The following SPTLC3 variants were observed in gnomAD, a reference collection of about 807,000 sequenced individuals.
The protein encoded by SPTLC3 is serine palmitoyltransferase 3.
A neutral mutation model predicts 59.3 loss-of-function variants in SPTLC3; 36 were observed. The ratio of observed to expected loss-of-function variants is 0.61; its 90% CI spans 0.47 to 0.80. SPTLC3 has a LOEUF of 0.80. Ranked by LOEUF, SPTLC3 falls within the 30% of genes least tolerant of loss-of-function variation. The pLI is 0.00. For missense variants in SPTLC3, 625 were observed against 685.1 expected (o/e 0.91, Z 0.98); for synonymous variants, 257 against 240.8 (o/e 1.07, Z -0.62).
intron 9 of SPTLC3, among the ~76,000 whole-genome samples, chr20:13,150,493 C>A (rs1417521845): frequency 6.6e-6 from 1 of 152,166 alleles, no homozygotes; most frequent in African/African-American, 2.4e-5. Context: ...CTATCTCTTT[C>A]TTTAAAACCA....
chr20:13,130,052 GA>G (rs1195492595), intron 9 of SPTLC3, among the ~76,000 whole-genome samples: 1 of 152,172 alleles, frequency 6.6e-6, no homozygotes, highest in African/African-American at 2.4e-5. Context: ...AAGGAAAGTA[GA>G]AGAAAAAGAA....
chr20:13,068,218 T>C (rs1988301499), intron 2 of SPTLC3, among the ~76,000 whole-genome samples: 1 of 152,182 alleles, frequency 6.6e-6, no homozygotes, highest in Non-Finnish European at 1.5e-5. Context: ...TTTTTGTGGG[T>C]CTTTTTAGGT....
chr20:13,042,002 A>G (rs970998488), intron 1 of SPTLC3, among the ~76,000 whole-genome samples: 2 of 152,078 alleles, frequency 1.3e-5, no homozygotes, highest in East Asian at 1.9e-4. Context: ...TTGCTGCCGG[A>G]TTGCTCTATT....
At chr20:13,155,792 C>T (rs1177006076) in intron 10 of SPTLC3, among the ~76,000 whole-genome samples, 1 of 152,112 alleles carries the variant, frequency 6.6e-6, no homozygotes, top group African/African-American at 2.4e-5. Flanking sequence ...CACCACTGCA[C>T]TCTAGCCAGG....
Position 13,030,046 on chromosome 20 carries a change from T to C in SPTLC3, c.118-18899T>C, listed in dbSNP as rs192925543. 2.9e-3 allele frequency among the ~76,000 whole-genome samples: 437 copies of C among 152,240 alleles called. 4 individuals carry two copies. The highest frequency in any genetic ancestry group is 0.01 in the African/African-American group (422 of 41,530). ...CAAGAAGAAATTGGTTTATTTTGATTCAAAAAGAAAAACTGTGGTTTGTAA... is the reference window on the plus strand; with the variant it reads ...CAAGAAGAAATTGGTTTATTTTGATCCAAAAAGAAAAACTGTGGTTTGTAA... On this transcript the variant is annotated intron_variant, in intron 1 of 11. Coordinates refer to ENST00000399002, the MANE Select transcript of SPTLC3 (RefSeq NM_018327.4).
intron 1 of SPTLC3, among the ~76,000 whole-genome samples, chr20:13,010,037 A>C (rs982791378): frequency 4.9e-5 from 7 of 142,040 alleles, no homozygotes; most frequent in African/African-American, 1.3e-4. Context: ...TTCCAACTTG[A>C]CACTTTTTTT....
chr20:13,038,769 A>G (rs1986847573), intron 1 of SPTLC3, among the ~76,000 whole-genome samples: 1 of 152,122 alleles, frequency 6.6e-6, no homozygotes, highest in African/African-American at 2.4e-5. Flanking sequence ...TTTTTAAAAT[A>G]GAGGCATTAG....
At chr20:13,144,204 C>G (rs908331174) in intron 9 of SPTLC3, among the ~76,000 whole-genome samples, 1 of 152,244 alleles carries the variant, frequency 6.6e-6, no homozygotes, top group African/African-American at 2.4e-5. Context: ...GTTACCATCT[C>G]TAGGTCTCCT....
intron 2 of SPTLC3, among the ~76,000 whole-genome samples, chr20:13,060,740 A>T (rs1275662258): frequency 1.3e-5 from 2 of 152,046 alleles, no homozygotes; most frequent in African/African-American, 4.8e-5. Flanking sequence ...CACTTAAGAT[A>T]ACAGCCTACC....
chr20:13,041,569 C>T (rs565722203), intron 1 of SPTLC3, among the ~76,000 whole-genome samples: 24 of 152,234 alleles, frequency 1.6e-4, no homozygotes, highest in Admixed American at 3.3e-4. Context: ...GTAATAGCCA[C>T]GTGGCTGTAT....
rs1357908951 is a variant in SPTLC3, at chr20:13,167,773, T to C, written c.*2906T>C. Reference sequence around the variant, plus strand: ...GGCTAAAATCCATACCCCTAGGCCCTACACCAGACCTTTACTGAAACATAA... The same window carrying C: ...GGCTAAAATCCATACCCCTAGGCCCCACACCAGACCTTTACTGAAACATAA... On this transcript the variant is annotated 3_prime_UTR_variant, in exon 12 of 12. Transcript: ENST00000399002. 6.6e-6 allele frequency: 1 copy of C among 152,206 alleles called. No individual in the cohort carries two copies. Among genetic ancestry groups the C allele is most frequent in the Admixed American group, 6.5e-5 (1 of 15,286 alleles). 9.4% of individuals were successfully genotyped at this position (152,206 alleles called of 1,614,324 possible).
At chr20:13,163,901 T>C (rs935407276) in intron 11 of SPTLC3, among the ~76,000 whole-genome samples, 2 of 152,316 alleles carry the variant, frequency 1.3e-5, no homozygotes, top group Non-Finnish European at 2.9e-5. Context: ...AATGACCTTT[T>C]TTTTATTTTA....
chr20:13,043,590 C>A (rs1047754785), intron 1 of SPTLC3, among the ~76,000 whole-genome samples: 2 of 152,224 alleles, frequency 1.3e-5, no homozygotes, highest in Non-Finnish European at 2.9e-5. Context: ...GTGGCCAGGA[C>A]AGTCACATGT....
intron 1 of SPTLC3, among the ~76,000 whole-genome samples, chr20:13,026,928 A>G (rs929492420): frequency 2.6e-5 from 4 of 152,186 alleles, no homozygotes; most frequent in Admixed American, 2.6e-4. Flanking sequence ...AGCAGTGCTC[A>G]ACCTTTGACT....
In SPTLC3 at chr20:13,165,399, T is replaced by G. The variant is rs576088094; in HGVS notation, c.*532T>G. On this transcript the variant is annotated 3_prime_UTR_variant, in exon 12 of 12. Transcript: ENST00000399002. Reference sequence around the variant, plus strand: ...ATGTTGTTTCTACCATTTGTCACATTTGGACGTTTTTCACAGACAAGTGTC... The same window carrying G: ...ATGTTGTTTCTACCATTTGTCACATGTGGACGTTTTTCACAGACAAGTGTC... 2.0e-5 allele frequency: 3 copies of G among 152,646 alleles called. No individual in the cohort carries two copies. Among genetic ancestry groups the G allele is most frequent in the African/African-American group, 7.2e-5 (3 of 41,454 alleles). The allele number at this position is 152,646 out of a possible 1,614,324, so 9.5% of individuals were successfully genotyped here. A position where few individuals can be genotyped will look rare whatever the true frequency, so the allele number is the denominator to read the frequency against.
At chr20:13,116,418 G>A (rs74765999) in intron 7 of SPTLC3, among the ~76,000 whole-genome samples, 3,170 of 152,250 alleles carry the variant, frequency 0.021, 90 homozygotes, top group African/African-American at 0.068. Flanking sequence ...GTGCAACATA[G>A]ACACAGCTTG....
chr20:13,022,936 C>A (rs563094047), intron 1 of SPTLC3, among the ~76,000 whole-genome samples: 1 of 152,308 alleles, frequency 6.6e-6, no homozygotes, highest in South Asian at 2.1e-4. Context: ...CTGGCCAGAT[C>A]ATCTGTGACT....
chr20:13,066,204 A>G (rs1211343260), intron 2 of SPTLC3, among the ~76,000 whole-genome samples: 1 of 64,982 alleles, frequency 1.5e-5, no homozygotes, highest in Admixed American at 1.5e-4. Context: ...CAGGTCTTAC[A>G]TTTAAGTATT....
intron 2 of SPTLC3, among the ~76,000 whole-genome samples, chr20:13,059,736 A>G (rs955115485): frequency 6.6e-6 from 1 of 152,044 alleles, no homozygotes; most frequent in African/African-American, 2.4e-5. Context: ...TATCTCTTTT[A>G]CCACCCCCAC....
Sources: allele counts gnomAD v4.1 joint callset (sites outside exome capture counted in the v4.1 genomes callset), GRCh38; gene constraint gnomAD v4.1.1; transcripts MANE v1.5; gene names NCBI Gene and HGNC (gene_info 2026-07-23, HGNC 2026-07-21).